The following PREX1 variants were observed in gnomAD, a reference collection of about 807,000 sequenced individuals.
PREX1 encodes the protein phosphatidylinositol-3,4,5-trisphosphate dependent Rac exchange factor 1.
Under a neutral mutation model 198.3 loss-of-function variants are expected in PREX1, and 41 were observed. That is an observed-to-expected ratio of 0.21 (90% CI 0.16 to 0.27). PREX1 has a LOEUF of 0.27. Ranked by LOEUF, PREX1 falls within the 10% of genes least tolerant of loss-of-function variation. The pLI, the probability that PREX1 is intolerant of heterozygous loss-of-function variation, is 1.00. For synonymous variants in PREX1, 843 were observed against 887.2 expected (o/e 0.95, Z 0.89); for missense variants, 1,620 against 2,200.7 (o/e 0.74, Z 5.28).
At position 48,636,688 on chromosome 20, in the gene PREX1, G is replaced by A. The variant is rs1208991244; in HGVS notation, c.3947-5C>T. The A allele has an allele frequency of 3.8e-6, 6 of 1,593,626 alleles. No individual in the cohort carries two copies. The highest frequency in any genetic ancestry group is 5.1e-6 in the Non-Finnish European group (6 of 1,170,722). On this transcript the variant is annotated splice_region_variant and splice_polypyrimidine_tract_variant and intron_variant, in intron 31 of 39. Transcript: ENST00000371941. The stretch of plus-strand genomic sequence containing the variant: ...TGCGCAGCTGCAGCTCCGTGTCTGG[G>A]GGCAGAGGGCAGGAGGCCTTGCTGG...
At position 48,773,622 on chromosome 20, in the gene PREX1, T is replaced by C. The variant is rs571638981; in HGVS notation, c.220-25742A>G. 1.5e-3 allele frequency among the ~76,000 whole-genome samples: 222 copies of C among 152,300 alleles called. 2 individuals carry two copies. The highest frequency in any genetic ancestry group is 6.8e-3 in the Middle Eastern group (2 of 294). ...GCAGGAATACCACCTGCAGAGGAACTGAGGCAGGAGTGAGCCCGGTGTGTT... is the reference window on the plus strand; with the variant it reads ...GCAGGAATACCACCTGCAGAGGAACCGAGGCAGGAGTGAGCCCGGTGTGTT... On this transcript the variant is annotated intron_variant, in intron 1 of 39. Transcript: ENST00000371941.
intron 13 of PREX1, 125 bp from the exon 14 acceptor site, chr20:48,676,393 AG>A: frequency 2.4e-6 from 2 of 848,964 alleles, no homozygotes; most frequent in Non-Finnish European, 3.9e-6. Flanking sequence ...GGCATTGGGC[AG>A]GGGTCCGAGT....
the PREX1 span, among the ~76,000 whole-genome samples, chr20:48,850,686 G>A: frequency 9.2e-5 from 14 of 152,160 alleles, no homozygotes; most frequent in South Asian, 6.2e-4. Context: ...ATGACTACAG[G>A]ATCTGAGAGG....
At chr20:48,861,285 G>A in the PREX1 span, among the ~76,000 whole-genome samples, 2 of 152,174 alleles carry the variant, frequency 1.3e-5, no homozygotes, top group Admixed American at 6.5e-5. Flanking sequence ...CCACCTCCCT[G>A]GACCTCAGTT....
intron 1 of PREX1, among the ~76,000 whole-genome samples, chr20:48,778,403 G>A (rs371757342): frequency 1.4e-4 from 21 of 145,446 alleles, no homozygotes; most frequent in Non-Finnish European, 2.5e-4. Context: ...ATGAAATCCC[G>A]TCTCTACTAA....
At chr20:48,642,537 C>G in intron 27 of PREX1, 48 bp from the exon 28 acceptor site, 1 of 1,497,506 alleles carries the variant, frequency 6.7e-7, no homozygotes, top group East Asian at 2.3e-5. Context: ...TGCCCCACCT[C>G]ACACCATCCC....
the PREX1 span, among the ~76,000 whole-genome samples, chr20:48,854,634 G>A: frequency 6.6e-6 from 1 of 152,234 alleles, no homozygotes; most frequent in South Asian, 2.1e-4. Context: ...TGAGCACCTC[G>A]AAGATTAAAC....
chr20:48,787,856 T>G (rs1482718740), intron 1 of PREX1, among the ~76,000 whole-genome samples: 1 of 152,170 alleles, frequency 6.6e-6, no homozygotes, highest in East Asian at 1.9e-4. Context: ...AAATTACAAG[T>G]GGCCACCAGA....
At position 48,745,989 on chromosome 20, in the gene PREX1, T is replaced by C. The variant is rs183403968; in HGVS notation, c.292-842A>G. Reference sequence around the variant, plus strand: ...TATTACTTTGCCTCTCTGAGTCTTTTATGATTGTATTTTTTAAATTATTAT... The same window carrying C: ...TATTACTTTGCCTCTCTGAGTCTTTCATGATTGTATTTTTTAAATTATTAT... On this transcript the variant is annotated intron_variant, in intron 2 of 39. Transcript: ENST00000371941. Among the ~76,000 whole-genome samples the C allele has an allele frequency of 4.6e-3, 697 of 152,330 alleles. 2 individuals are homozygous for C. Among genetic ancestry groups the C allele is most frequent in the Admixed American group, 7.5e-3 (115 of 15,306 alleles).
At chr20:48,817,554 G>A (rs961381581) in intron 1 of PREX1, among the ~76,000 whole-genome samples, 2 of 152,034 alleles carry the variant, frequency 1.3e-5, no homozygotes, top group African/African-American at 4.8e-5. Flanking sequence ...AAAGCTTCTT[G>A]CCCAAGGTCA....
chr20:48,693,188 GTCCATCCATCCATCCA>G (rs10626115), intron 7 of PREX1, among the ~76,000 whole-genome samples: 3 of 150,806 alleles, frequency 2.0e-5, no homozygotes, highest in Non-Finnish European at 3.0e-5. Context: ...CTGGCAGTCC[GTCCATCCATCCATCCA>G]TCCATCCATC....
chr20:48,638,955 A>G (rs2089387092), intron 30 of PREX1, among the ~76,000 whole-genome samples: 1 of 152,224 alleles, frequency 6.6e-6, no homozygotes. Context: ...AACAGGACAG[A>G]TCAGAAGCAG....
intron 5 of PREX1, among the ~76,000 whole-genome samples, chr20:48,717,607 C>T (rs2089968182): frequency 2.0e-5 from 3 of 152,150 alleles, no homozygotes. Context: ...CCACAAACAC[C>T]CTGCATGCAT....
the PREX1 span, among the ~76,000 whole-genome samples, chr20:48,834,212 G>A: frequency 6.6e-6 from 1 of 152,150 alleles, no homozygotes; most frequent in Non-Finnish European, 1.5e-5. Flanking sequence ...TTGAGAAAAG[G>A]GTTCAGAAAG....
At chr20:48,628,025 G>A in intron 37 of PREX1, 62 bp from the exon 38 acceptor site, 1 of 1,017,178 alleles carries the variant, frequency 9.8e-7, no homozygotes, top group Non-Finnish European at 1.5e-6. Flanking sequence ...GGGGAGGACA[G>A]CGGGAGTCAG....
chr20:48,820,821 G>C (rs2090481256), intron 1 of PREX1, among the ~76,000 whole-genome samples: 1 of 152,232 alleles, frequency 6.6e-6, no homozygotes, highest in African/African-American at 2.4e-5. Context: ...AGCCCCGTAT[G>C]TCGACAGTGC....
At chr20:48,738,737 C>T (rs2090068267) in intron 3 of PREX1, among the ~76,000 whole-genome samples, 1 of 152,074 alleles carries the variant, frequency 6.6e-6, no homozygotes, top group Non-Finnish European at 1.5e-5. Context: ...GAGCTCACCC[C>T]CAGGAAAGGC....
intron 3 of PREX1, among the ~76,000 whole-genome samples, chr20:48,739,639 C>G (rs6095271): frequency 0.073 from 11,079 of 152,234 alleles, 485 homozygotes; most frequent in South Asian, 0.19. Context: ...CGTGGCAGCA[C>G]GGAGCAAGTC....
intron 1 of PREX1, among the ~76,000 whole-genome samples, chr20:48,806,947 A>G (rs1009751053): frequency 3.9e-5 from 6 of 152,158 alleles, no homozygotes; most frequent in African/African-American, 9.7e-5. Flanking sequence ...AGGTATAGGG[A>G]CAGTTCAAAG....
Sources: allele counts gnomAD v4.1 joint callset (sites outside exome capture counted in the v4.1 genomes callset), GRCh38; gene constraint gnomAD v4.1.1; transcripts MANE v1.5; gene names NCBI Gene and HGNC (gene_info 2026-07-23, HGNC 2026-07-21).